MORC1: variants seen among roughly 807,000 people sequenced by gnomAD.
MORC1 encodes the protein MORC family CW-type zinc finger protein 1.
In MORC1, 59 loss-of-function variants were observed where a neutral mutation model predicts 134.9. The observed-to-expected ratio is 0.44, with a 90% CI of 0.35 to 0.54. The LOEUF is 0.54. Among genes scored for constraint, MORC1 ranks in the 20% least tolerant of loss-of-function variants. MORC1 has a pLI of 0.00. For synonymous variants in MORC1, 395 were observed against 391.7 expected, an observed-to-expected ratio of 1.01 and a Z score of -0.10; for missense variants, 947 against 1,134.5, an observed-to-expected ratio of 0.83 and a Z score of 2.37.
At chr3:109,060,336 T>C (rs1559928024) in intron 11 of MORC1, among the ~76,000 whole-genome samples, 3 of 152,008 alleles carry the variant, frequency 2.0e-5, no homozygotes, top group South Asian at 4.1e-4. Context: ...GAATTCTGGA[T>C]ACCTCTAATA....
rs35886667 is a variant in MORC1 at position 109,040,353 on chromosome 3, TGAAAGAAAGAAA to T, written c.1331-4897_1331-4886del. The stretch of plus-strand genomic sequence containing the variant: ...ACTGTCTCAAAGACACTCAAAGAAC[TGAAAGAAAGAAA>T]GAAAGAAAGAAAGAAAGAAAGAAAG... On this transcript the variant is annotated intron_variant, in intron 14 of 27. Coordinates refer to ENST00000232603, the MANE Select transcript of MORC1 (RefSeq NM_014429.4). 7.8e-4 allele frequency among the ~76,000 whole-genome samples: 22 copies of T among 28,226 alleles called. 1 individual carries two copies. Among genetic ancestry groups the T allele is most frequent in the African/African-American group, 3.3e-3 (15 of 4,590 alleles). The allele number at this position is 28,226 out of a possible 152,430, so 18.5% of individuals were successfully genotyped here. A position where few individuals can be genotyped will look rare whatever the true frequency, so the allele number is the denominator to read the frequency against.
chr3:109,072,708 T>C (rs1950344242), intron 8 of MORC1, among the ~76,000 whole-genome samples: 1 of 152,178 alleles, frequency 6.6e-6, no homozygotes, highest in Non-Finnish European at 1.5e-5. Context: ...ATCGTCAGGA[T>C]ATCTTCAGAA....
chr3:108,973,572 C>A (rs1243141739), intron 24 of MORC1, among the ~76,000 whole-genome samples: 2 of 139,448 alleles, frequency 1.4e-5, no homozygotes, highest in Non-Finnish European at 3.1e-5. Flanking sequence ...TTTTTTTGTT[C>A]GTTTTTTGTT....
intron 17 of MORC1, 31 bp from the exon 18 acceptor site, chr3:109,007,122 T>G (rs149156257): frequency 6.4e-7 from 1 of 1,573,348 alleles, no homozygotes; most frequent in East Asian, 2.2e-5. Flanking sequence ...TTAAGGCAAA[T>G]GTAAGTAAAA....
At chr3:109,034,402 T>C (rs1023351947) in intron 15 of MORC1, among the ~76,000 whole-genome samples, 1 of 152,218 alleles carries the variant, frequency 6.6e-6, no homozygotes, top group African/African-American at 2.4e-5. Context: ...TGCCCCTTTG[T>C]GTAGTGGCTA....
At chr3:108,990,584 C>A (rs1948021995) in intron 21 of MORC1, among the ~76,000 whole-genome samples, 1 of 152,150 alleles carries the variant, frequency 6.6e-6, no homozygotes, top group South Asian at 2.1e-4. Context: ...CCCATGCTTT[C>A]TTTTTCTCCC....
intron 14 of MORC1, among the ~76,000 whole-genome samples, chr3:109,038,973 G>A (rs766423885): frequency 7.9e-5 from 12 of 152,190 alleles, no homozygotes; most frequent in Non-Finnish European, 1.3e-4. Context: ...CTGAAGTGCA[G>A]TGGTGTGATC....
chr3:108,964,983 C>T (rs924654576), intron 26 of MORC1, among the ~76,000 whole-genome samples: 7 of 152,148 alleles, frequency 4.6e-5, no homozygotes, highest in Non-Finnish European at 8.8e-5. Context: ...AAGGTAACCA[C>T]CACCTCCACC....
chr3:109,088,139 G>A (rs1274928135), intron 8 of MORC1, among the ~76,000 whole-genome samples: 2 of 151,944 alleles, frequency 1.3e-5, no homozygotes, highest in Non-Finnish European at 2.9e-5. Flanking sequence ...GACAACCTAG[G>A]TAATACCATC....
At chr3:108,976,232 T>G (rs2247022) in intron 24 of MORC1, among the ~76,000 whole-genome samples, 60,970 of 152,020 alleles carry the variant, frequency 0.4, 12,733 homozygotes, top group Middle Eastern at 0.55. Flanking sequence ...TTGTGGAAAT[T>G]GATAAGGATG....
chr3:108,967,515 C>G (rs1201427700), intron 26 of MORC1, among the ~76,000 whole-genome samples: 1 of 152,064 alleles, frequency 6.6e-6, no homozygotes, highest in Non-Finnish European at 1.5e-5. Context: ...CCACACATAC[C>G]CCACAGAAAT....
At chr3:109,093,289 A>G in intron 8 of MORC1, 147 bp downstream of exon 8, 1 of 599,280 alleles carries the variant, frequency 1.7e-6, no homozygotes, top group Non-Finnish European at 2.9e-6. Context: ...GAAACCACTG[A>G]CCTAGCCCAA....
At chr3:109,116,701 G>GC (rs1951282409) in intron 1 of MORC1, among the ~76,000 whole-genome samples, 1 of 152,142 alleles carries the variant, frequency 6.6e-6, no homozygotes, top group Admixed American at 6.5e-5. Context: ...GATCACTTGA[G>GC]CCCTGGAGTT....
Position 108,979,434 on chromosome 3 carries a change from T to G in MORC1, c.2477+81A>C, listed in dbSNP as rs947411917. The G allele has an allele frequency of 2.1e-6, 3 of 1,452,480 alleles. No homozygotes were observed. In the African/African-American group the frequency reaches 4.2e-5, roughly 20 times the overall value. 90.0% of individuals were successfully genotyped at this position (1,452,480 alleles called of 1,614,324 possible). A position where few individuals can be genotyped will look rare whatever the true frequency, so the allele number is the denominator to read the frequency against. ...TGAATTTATTCAGTATCATTAAAACTCAGTAGGGAAAACAACAGGAGTTGT... is the reference window on the plus strand; with the variant it reads ...TGAATTTATTCAGTATCATTAAAACGCAGTAGGGAAAACAACAGGAGTTGT... On this transcript the variant is annotated intron_variant, in intron 24 of 27. Transcript: ENST00000232603.
rs1947322896 is a variant in MORC1 at position 108,969,729 on chromosome 3, T to C, written c.2551-7A>G. On this transcript the variant is annotated splice_region_variant and splice_polypyrimidine_tract_variant and intron_variant, in intron 25 of 27. Transcript: ENST00000232603. ...GCTCTGGGCACTGCTCCAGCTGTTT[T>C]CATAAATGATAATAGAACAGGATAT... The C allele has an allele frequency of 1.2e-6, 2 of 1,613,206 alleles. No individual in the cohort carries two copies. The highest frequency in any genetic ancestry group is 1.3e-5 in the African/African-American group (1 of 75,050).
At chr3:109,117,743 T>G (rs1316634211) in intron 1 of MORC1, among the ~76,000 whole-genome samples, 1 of 152,210 alleles carries the variant, frequency 6.6e-6, no homozygotes, top group Non-Finnish European at 1.5e-5. Context: ...ATTAAACAGT[T>G]GTGTTAAATG....
intron 17 of MORC1, among the ~76,000 whole-genome samples, chr3:109,007,875 C>T (rs1296135977): frequency 1.3e-5 from 2 of 152,128 alleles, no homozygotes; most frequent in Non-Finnish European, 1.5e-5. Context: ...TATGTGACCA[C>T]TGATACCACT....
At chr3:109,085,687 G>A (rs1195067765) in intron 8 of MORC1, among the ~76,000 whole-genome samples, 1 of 152,084 alleles carries the variant, frequency 6.6e-6, no homozygotes, top group Non-Finnish European at 1.5e-5. Flanking sequence ...AGCCATTTTG[G>A]AGAATAGTAT....
chr3:109,043,188 T>TGGG (rs112162969), intron 14 of MORC1, among the ~76,000 whole-genome samples: 7 of 55,592 alleles, frequency 1.3e-4, no homozygotes, highest in African/African-American at 2.0e-4. Context: ...TGGCAAAATG[T>TGGG]GGGGGGGGGG....
Sources: allele counts gnomAD v4.1 joint callset (sites outside exome capture counted in the v4.1 genomes callset), GRCh38; gene constraint gnomAD v4.1.1; transcripts MANE v1.5; gene names NCBI Gene and HGNC (gene_info 2026-07-23, HGNC 2026-07-21).